The following CFHR4 variants were observed in gnomAD, a reference collection of about 807,000 sequenced individuals.
The protein encoded by CFHR4 is complement factor H related 4, also known as complement factor H-related protein 4.
A neutral mutation model predicts 69.3 loss-of-function variants in CFHR4; 64 were observed. The ratio of observed to expected loss-of-function variants is 0.92; its 90% confidence interval spans 0.76 to 1.14. CFHR4 has a LOEUF of 1.14. Ranked by LOEUF, CFHR4 falls within the 50% of genes most tolerant of loss-of-function variation. The probability of loss-of-function intolerance (pLI) is 0.00; values close to 1 mark genes in which losing one functional copy is unlikely to be tolerated. For synonymous variants in CFHR4, 244 were observed against 237.0 expected (o/e 1.03, Z -0.27); for missense variants, 636 against 684.9 (o/e 0.93, Z 0.80).
Position 196,900,997 on chromosome 1 carries a change from C to T in CFHR4, c.59-1421C>T, listed in dbSNP as rs78720099. 1.3e-4 allele frequency among the ~76,000 whole-genome samples: 20 copies of T among 151,370 alleles called. No homozygotes were observed. The East Asian group carries it at 3.5e-3, about 26-fold the overall frequency. On this transcript the variant is annotated intron_variant, in intron 1 of 9. Coordinates refer to ENST00000608469, the MANE Select transcript of CFHR4 (RefSeq NM_001201550.3). ...ATCGGCATAACTAATCTGTAGAAAC[C>T]GGTTGAAAAATTTTTCTAATCAAAC...
intron 3 of CFHR4, among the ~76,000 whole-genome samples, chr1:196,906,430 C>A (rs562318539): frequency 1.3e-5 from 2 of 151,366 alleles, no homozygotes; most frequent in African/African-American, 2.4e-5. Context: ...TTTTATAGAA[C>A]GTATATCCAA....
At position 196,910,466 on chromosome 1, in the gene CFHR4, G is replaced by A. The variant is rs1354642942; in HGVS notation, c.985G>A (p.Val329Ile). 1.9e-6 allele frequency: 3 copies of A among 1,611,844 alleles called. No homozygotes were observed. The Admixed American group carries it at 5.0e-5, about 27-fold the overall frequency. The stretch of plus-strand genomic sequence containing the variant: ...CACACAAGATGGGTGGTTGCCAACA[G>A]TCCCATGCCTCAGTAAGCAAACCTC... The part of the protein sequence containing the change: ...HCTQDGWLPT[V>I]PCLRTCSKSD... The change falls in exon 6 of 10, where the codon GTC becomes ATC. Residue 329 changes from valine to isoleucine, a missense_variant. This residue lies in a region of CFHR4 where 529 missense variants were observed against 533.2 expected (regional missense o/e 0.99). Coordinates refer to ENST00000608469, the MANE Select transcript of CFHR4 (RefSeq NM_001201550.3).
rs542650651 is a variant in CFHR4, at chr1:196,911,823, A to T, written c.998-917A>T. On this transcript the variant is annotated intron_variant, in intron 6 of 9. Transcript: ENST00000608469. ...GTGTCAAGCACTTTATAGGTATTGAAAATAAAACTGTTTACAATAGAAACT... is the reference window on the plus strand; with the variant it reads ...GTGTCAAGCACTTTATAGGTATTGATAATAAAACTGTTTACAATAGAAACT... Among the ~76,000 whole-genome samples, 247 of 151,650 alleles carry T rather than the reference A, an allele frequency of 1.6e-3. 8 individuals carry two copies. The highest frequency in any genetic ancestry group is 5.7e-3 in the African/African-American group (233 of 41,182).
chr1:196,912,896 G>A lies in CFHR4; in HGVS notation c.1154G>A (p.Gly385Glu), dbSNP rs767374095. 6.2e-6 allele frequency: 10 copies of A among 1,611,686 alleles called. No individual in the cohort carries two copies. Among genetic ancestry groups the A allele is most frequent in the Non-Finnish European group, 8.5e-6 (10 of 1,178,898 alleles). ...SSGSITCLQN[G>E]WSAQPICIKF... ...GGTTCAATTACATGTTTGCAAAATG[G>A]ATGGTCAGCACAACCAATTTGCATT... Residue 385 changes from glycine to glutamate, a missense_variant, in exon 7 of 10, where the codon GGA (glycine) becomes GAA (glutamate). Transcript: ENST00000608469.
chr1:196,897,222 G>C (rs1281136348), intron 1 of CFHR4, among the ~76,000 whole-genome samples: 1 of 151,568 alleles, frequency 6.6e-6, no homozygotes, highest in Non-Finnish European at 1.5e-5. Context: ...TTGTCGCCCC[G>C]CAGCTCAAAC....
intron 1 of CFHR4, among the ~76,000 whole-genome samples, chr1:196,891,117 T>A (rs1657008077): frequency 6.6e-6 from 1 of 151,184 alleles, no homozygotes. Flanking sequence ...CCAGGTGTGG[T>A]GGCAAACACG....
intron 9 of CFHR4, among the ~76,000 whole-genome samples, chr1:196,917,557 A>C (rs1252031437): frequency 6.6e-6 from 1 of 151,584 alleles, no homozygotes; most frequent in Non-Finnish European, 1.5e-5. Flanking sequence ...AGGGATTCAC[A>C]TTAACTCCTG....
At chr1:196,907,755 G>A (rs1204007338) in intron 5 of CFHR4, among the ~76,000 whole-genome samples, 1 of 151,366 alleles carries the variant, frequency 6.6e-6, no homozygotes, top group African/African-American at 2.4e-5. Context: ...GAGTCTTCAA[G>A]AATGATATCC....
chr1:196,903,239 G>A (rs1176704004), intron 2 of CFHR4, among the ~76,000 whole-genome samples: 1 of 151,318 alleles, frequency 6.6e-6, no homozygotes, highest in African/African-American at 2.4e-5. Context: ...CCGAATTTAT[G>A]TCTTTTTATT....
chr1:196,899,365 G>A (rs1299452908), intron 1 of CFHR4, among the ~76,000 whole-genome samples: 4 of 151,490 alleles, frequency 2.6e-5, no homozygotes, highest in Admixed American at 6.6e-5. Flanking sequence ...CGCAGTATAC[G>A]TCGCTGCAAT....
At chr1:196,905,369 G>T in intron 3 of CFHR4, 79 bp downstream of exon 3, 4 of 1,559,114 alleles carry the variant, frequency 2.6e-6, no homozygotes, top group Non-Finnish European at 8.7e-7. Flanking sequence ...TACAGAAAAA[G>T]ATAGAAAACA....
At chr1:196,917,921 G>T (rs1017732424) in intron 9 of CFHR4, among the ~76,000 whole-genome samples, 3 of 151,468 alleles carry the variant, frequency 2.0e-5, no homozygotes, top group Admixed American at 6.6e-5. Context: ...AAGTCACTAG[G>T]GTGGACACAA....
rs1202689955 is a variant in CFHR4, at chr1:196,907,388, A to G, written c.689A>G (p.Tyr230Cys). 6 of 1,611,984 alleles carry G rather than the reference A, an allele frequency of 3.7e-6. No homozygotes were observed. Among genetic ancestry groups the G allele is most frequent in the Non-Finnish European group, 4.2e-6 (5 of 1,179,064 alleles). ...GDTTSFPQKVYLPWSRVEYQC... is the reference protein window; with the variant it reads ...GDTTSFPQKVCLPWSRVEYQC... ...ACCACGTCCTTCCCGCAAAAAGTGTATCTGCCATGGTCAAGAGTCGAGTAC... is the reference window on the plus strand; with the variant it reads ...ACCACGTCCTTCCCGCAAAAAGTGTGTCTGCCATGGTCAAGAGTCGAGTAC... The change falls in exon 5 of 10, where the codon TAT becomes TGT. Residue 230 changes from tyrosine to cysteine, a missense_variant. Coordinates refer to ENST00000608469, the MANE Select transcript of CFHR4 (RefSeq NM_001201550.3).
At chr1:196,906,715 A>G in intron 3 of CFHR4, 146 bp from the exon 4 acceptor site, 1 of 799,642 alleles carries the variant, frequency 1.3e-6, no homozygotes, top group African/African-American at 1.8e-5. Flanking sequence ...GCACAAAAAA[A>G]ACACTGATTG....
At chr1:196,916,802 A>T (rs1458807841) in intron 9 of CFHR4, among the ~76,000 whole-genome samples, 1 of 151,550 alleles carries the variant, frequency 6.6e-6, no homozygotes, top group Non-Finnish European at 1.5e-5. Flanking sequence ...GATTATAATT[A>T]TCTGAAGATA....
chr1:196,917,106 T>G (rs1658685250), intron 9 of CFHR4, among the ~76,000 whole-genome samples: 3 of 150,070 alleles, frequency 2.0e-5, no homozygotes, highest in African/African-American at 7.4e-5. Context: ...AAAAGTGATA[T>G]GTACTATGTT....
chr1:196,912,976 G>A, intron 7 of CFHR4, 54 bp downstream of exon 7: 4 of 1,607,778 alleles, frequency 2.5e-6, no homozygotes, highest in Non-Finnish European at 3.4e-6. Context: ...TCCTCTCTTT[G>A]AGATGATAGT....
chr1:196,907,009 T>C lies in CFHR4; in HGVS notation c.588T>C (p.Asp196=). Residue 196 remains aspartate, a synonymous_variant, in exon 4 of 10, where the codon GAT becomes GAC. Coordinates refer to ENST00000608469, the MANE Select transcript of CFHR4 (RefSeq NM_001201550.3). ...CAGATTCCATAGTGTGTGGTGAAGA[T>C]GGCTGGTCCCATTTGCCAACATGCT... The part of the protein sequence containing the change: ...NTTDSIVCGE[D]GWSHLPTCYN... 4 of 1,611,652 alleles carry C rather than the reference T, an allele frequency of 2.5e-6. No homozygotes were observed. The highest frequency in any genetic ancestry group is 2.5e-6 in the Non-Finnish European group (3 of 1,179,234).
At chr1:196,905,351 T>G in intron 3 of CFHR4, 61 bp downstream of exon 3, 1 of 1,589,454 alleles carries the variant, frequency 6.3e-7, no homozygotes, top group Non-Finnish European at 8.6e-7. Flanking sequence ...TTTGAGGTGA[T>G]AGTGTTTTAC....
Sources: allele counts gnomAD v4.1 joint callset (sites outside exome capture counted in the v4.1 genomes callset), GRCh38; gene constraint gnomAD v4.1.1; regional missense constraint gnomAD v4.1.1; transcripts MANE v1.5; gene names NCBI Gene and HGNC (gene_info 2026-07-23, HGNC 2026-07-21).